Variants in PDZRN4 observed in about 807,000 individuals in gnomAD.
PDZRN4 encodes the protein PDZ domain containing ring finger 4.
Under a neutral mutation model 99.0 loss-of-function variants are expected in PDZRN4, and 70 were observed. The ratio of observed to expected loss-of-function variants is 0.71; its 90% CI spans 0.58 to 0.86. The LOEUF is 0.86. Ranked by LOEUF, PDZRN4 falls within the 40% of genes least tolerant of loss-of-function variation. PDZRN4 has a pLI of 0.00. For synonymous variants in PDZRN4, 551 were observed against 501.6 expected (o/e 1.10, Z -1.32); for missense variants, 1,474 against 1,331.2 (o/e 1.11, Z -1.67).
At chr12:41,481,740 T>C (rs1455642075) in intron 3 of PDZRN4, among the ~76,000 whole-genome samples, 2 of 152,162 alleles carry the variant, frequency 1.3e-5, no homozygotes, top group African/African-American at 2.4e-5. Context: ...GTATATGCTA[T>C]ATTACATTAT....
intron 3 of PDZRN4, among the ~76,000 whole-genome samples, chr12:41,392,708 C>T (rs1952218075): frequency 6.6e-6 from 1 of 152,118 alleles, no homozygotes; most frequent in African/African-American, 2.4e-5. Context: ...TATGTAGGAG[C>T]ACTGCAAACC....
At chr12:41,367,531 A>G (rs1952010250) in intron 3 of PDZRN4, among the ~76,000 whole-genome samples, 1 of 152,158 alleles carries the variant, frequency 6.6e-6, no homozygotes, top group African/African-American at 2.4e-5. Flanking sequence ...TAAATAAAAA[A>G]GAAAGAAAGA....
Position 41,506,525 on chromosome 12 carries a change from C to A in PDZRN4, c.913C>A (p.Pro305Thr). 1 of 1,613,714 alleles carries A rather than the reference C, an allele frequency of 6.2e-7. No individual in the cohort carries two copies. The highest frequency in any genetic ancestry group is 8.5e-7 in the Non-Finnish European group (1 of 1,179,778). ...GGAAGCTTTTCGCAATGCCAAGGAGCCCATTGTGGTGCAGGTGTTAAGGCG... is the reference window on the plus strand; with the variant it reads ...GGAAGCTTTTCGCAATGCCAAGGAGACCATTGTGGTGCAGGTGTTAAGGCG... ...AVEAFRNAKE[P>T]IVVQVLRRTP... Residue 305 changes from proline to threonine, a missense_variant, in exon 4 of 10, where the codon CCC becomes ACC. Coordinates refer to ENST00000402685, the MANE Select transcript of PDZRN4 (RefSeq NM_001164595.2).
chr12:41,453,035 A>T (rs185886483), intron 3 of PDZRN4, among the ~76,000 whole-genome samples: 23 of 151,664 alleles, frequency 1.5e-4, no homozygotes, highest in African/African-American at 5.5e-4. Context: ...ATCTGATGGC[A>T]GAGAGAGCTC....
intron 3 of PDZRN4, among the ~76,000 whole-genome samples, chr12:41,446,525 GGT>G (rs908504897): frequency 1.0e-3 from 107 of 105,234 alleles, no homozygotes; most frequent in Non-Finnish European, 1.3e-3. Flanking sequence ...GAATTTAGAT[GGT>G]TTTTTTTTTT....
intron 3 of PDZRN4, among the ~76,000 whole-genome samples, chr12:41,455,206 C>T (rs1952808342): frequency 6.6e-6 from 1 of 151,820 alleles, no homozygotes; most frequent in South Asian, 2.1e-4. Context: ...TTTTTAAGAA[C>T]TGAAATGAAA....
chr12:41,201,355 T>C (rs546385504), intron 3 of PDZRN4, among the ~76,000 whole-genome samples: 28 of 152,168 alleles, frequency 1.8e-4, no homozygotes, highest in South Asian at 1.2e-3. Context: ...CACTAAGCAA[T>C]ACTATCTTTT....
At chr12:41,415,365 T>C (rs943312498) in intron 3 of PDZRN4, among the ~76,000 whole-genome samples, 1 of 148,932 alleles carries the variant, frequency 6.7e-6, no homozygotes, top group Non-Finnish European at 1.5e-5. Context: ...ATATAATATA[T>C]GTAATAAATG....
At chr12:41,545,238 A>G (rs1158732708) in intron 5 of PDZRN4, among the ~76,000 whole-genome samples, 2 of 152,144 alleles carry the variant, frequency 1.3e-5, no homozygotes, top group African/African-American at 4.8e-5. Context: ...TTTAGTGTTC[A>G]CCATGACCCC....
At chr12:41,383,342 C>T (rs1458176) in intron 3 of PDZRN4, among the ~76,000 whole-genome samples, 96,710 of 152,036 alleles carry the variant, frequency 0.64, 31,210 homozygotes, top group East Asian at 0.79. Context: ...GCAGAAAATC[C>T]GAAAAGAAAT....
intron 3 of PDZRN4, among the ~76,000 whole-genome samples, chr12:41,312,128 T>C (rs1951610707): frequency 6.6e-6 from 1 of 152,152 alleles, no homozygotes; most frequent in Non-Finnish European, 1.5e-5. Flanking sequence ...TTACTTAAAA[T>C]ACATGTGCAC....
intron 3 of PDZRN4, among the ~76,000 whole-genome samples, chr12:41,325,841 G>A (rs938600214): frequency 6.6e-6 from 1 of 152,146 alleles, no homozygotes; most frequent in African/African-American, 2.4e-5. Context: ...TAAAGTGCAT[G>A]TCTTGGAAAA....
intron 3 of PDZRN4, among the ~76,000 whole-genome samples, chr12:41,282,103 T>C (rs548795315): frequency 1.3e-5 from 2 of 152,240 alleles, no homozygotes; most frequent in Admixed American, 6.5e-5. Context: ...TCAAGATCCA[T>C]TGGTGTGCTG....
intron 3 of PDZRN4, among the ~76,000 whole-genome samples, chr12:41,353,248 A>G: frequency 6.6e-6 from 1 of 152,064 alleles, no homozygotes; most frequent in East Asian, 1.9e-4. Context: ...TTTATTAGTT[A>G]ATCCTAGAAT....
At chr12:41,405,984 A>G (rs891524997) in intron 3 of PDZRN4, among the ~76,000 whole-genome samples, 1 of 152,054 alleles carries the variant, frequency 6.6e-6, no homozygotes, top group Admixed American at 6.6e-5. Flanking sequence ...GGGTTGAAAA[A>G]CTACCTGTTG....
chr12:41,452,728 G>C (rs1445922730), intron 3 of PDZRN4, among the ~76,000 whole-genome samples: 1 of 152,116 alleles, frequency 6.6e-6, no homozygotes, highest in African/African-American at 2.4e-5. Context: ...CCTCGTCTGT[G>C]TAAGTCCAAA....
intron 3 of PDZRN4, among the ~76,000 whole-genome samples, chr12:41,233,815 G>C (rs1034448364): frequency 1.3e-5 from 2 of 151,878 alleles, no homozygotes; most frequent in Admixed American, 1.3e-4. Context: ...GGGGGAGATA[G>C]CATTAGGAGA....
At chr12:41,232,046 T>A (rs2120757125) in intron 3 of PDZRN4, among the ~76,000 whole-genome samples, 1 of 151,928 alleles carries the variant, frequency 6.6e-6, no homozygotes, top group African/African-American at 2.4e-5. Context: ...ACGAGGTATA[T>A]AAAAAAATTT....
At chr12:41,460,208 A>T (rs1952858161) in intron 3 of PDZRN4, 12 of 592,554 alleles carry the variant, frequency 2.0e-5, no homozygotes, top group Non-Finnish European at 2.9e-5. Flanking sequence ...TGAATATCCT[A>T]GTCAGGTAGG....
Sources: allele counts gnomAD v4.1 joint callset (sites outside exome capture counted in the v4.1 genomes callset), GRCh38; gene constraint gnomAD v4.1.1; transcripts MANE v1.5; gene names NCBI Gene and HGNC (gene_info 2026-07-23, HGNC 2026-07-21).